Variants in PCID2 observed in about 807,000 individuals in gnomAD.
The protein encoded by PCID2 is PCI domain containing 2.
Under a neutral mutation model 61.3 loss-of-function variants are expected in PCID2, and 41 were observed. That is an observed-to-expected ratio of 0.67 (90% CI 0.52 to 0.87). The LOEUF is 0.87. Among genes scored for constraint, PCID2 ranks in the 40% least tolerant of loss-of-function variants. The pLI, the probability that PCID2 is intolerant of heterozygous loss-of-function variation, is 0.00. For missense variants in PCID2, 392 were observed against 493.4 expected, an observed-to-expected ratio of 0.79 and a Z score of 1.95; for synonymous variants, 187 against 177.8, an observed-to-expected ratio of 1.05 and a Z score of -0.41.
chr13:113,180,346 A>C (rs2037521440), intron 10 of PCID2, 115 bp from the exon 11 acceptor site: 1 of 756,084 alleles, frequency 1.3e-6, no homozygotes, highest in East Asian at 2.6e-5. Flanking sequence ...GTTTCTTAGA[A>C]TGTCCATGGA....
intron 9 of PCID2, among the ~76,000 whole-genome samples, chr13:113,182,889 C>A (rs1271474644): frequency 1.3e-5 from 2 of 151,998 alleles, no homozygotes; most frequent in East Asian, 1.9e-4. Context: ...CGGTTGGAGT[C>A]AAAAATATGT....
In PCID2 at chr13:113,195,088, GA is replaced by G; in HGVS notation, c.345del (p.Arg116GlufsTer12). 6.2e-7 allele frequency: 1 copy of G among 1,609,904 alleles called. No homozygotes were observed. The highest frequency in any genetic ancestry group is 8.5e-7 in the Non-Finnish European group (1 of 1,176,132). ...LPVMYAVALD[L>X]RVFANNADQQ... Reference sequence around the variant, plus strand: ...AAACTTACATTATTGGCAAACACTCGAAGGTCAAGCGCTACTGCATACATGA... The same window carrying G: ...AAACTTACATTATTGGCAAACACTCGAGGTCAAGCGCTACTGCATACATGA... On this transcript the variant is annotated frameshift_variant, in exon 6 of 14. Coordinates refer to ENST00000337344, the MANE Select transcript of PCID2 (RefSeq NM_001127202.4). LOFTEE classifies it high-confidence loss of function.
At chr13:113,208,401 C>G in intron 1 of PCID2, 198 bp downstream of exon 1, 2 of 1,472,242 alleles carry the variant, frequency 1.4e-6, no homozygotes, top group Non-Finnish European at 1.8e-6. Context: ...CACGGCGGCC[C>G]TGCAGGGGAG....
intron 1 of PCID2, 188 bp downstream of exon 1, chr13:113,208,410 AG>A: frequency 6.8e-7 from 1 of 1,480,376 alleles, no homozygotes; most frequent in Admixed American, 2.2e-5. Flanking sequence ...CCTGCAGGGG[AG>A]AACTCGGGCC....
At position 113,177,596 on chromosome 13, in the gene PCID2, T is replaced by C. The variant is rs938938800; in HGVS notation, c.*602A>G. ...AAGATGGTTTTTTAAAAGAAATTTTTTTTTAACCAACAAAGCAAAGGCAAA... is the reference window on the plus strand; with the variant it reads ...AAGATGGTTTTTTAAAAGAAATTTTCTTTTAACCAACAAAGCAAAGGCAAA... On this transcript the variant is annotated 3_prime_UTR_variant, in exon 14 of 14. Coordinates refer to ENST00000337344, the MANE Select transcript of PCID2 (RefSeq NM_001127202.4). 1.3e-5 allele frequency: 2 copies of C among 152,234 alleles called. No homozygotes were observed. Among genetic ancestry groups the C allele is most frequent in the Non-Finnish European group, 2.9e-5 (2 of 68,042 alleles). The allele number at this position is 152,234 out of a possible 1,614,324, so 9.4% of individuals were successfully genotyped here.
intron 1 of PCID2, among the ~76,000 whole-genome samples, chr13:113,206,051 T>C (rs149390477): frequency 4.3e-4 from 66 of 152,370 alleles, no homozygotes; most frequent in African/African-American, 1.5e-3. Context: ...GACCAGATGA[T>C]GTGCTAAAGC....
Position 113,184,407 on chromosome 13 carries a change from CTG to C in PCID2, c.622_623del (p.Gln208GlufsTer15). On this transcript the variant is annotated frameshift_variant, in exon 9 of 14. Transcript: ENST00000337344. LOFTEE classifies it high-confidence loss of function. ...SNLKDDYSTA[Q>X]RVTYKYYVGR... ...CAACGTAGTATTTGTATGTTACTCTCTGTGCAGTGCTGTAATCGTCTTTCAGG... is the reference window on the plus strand; with the variant it reads ...CAACGTAGTATTTGTATGTTACTCTCTGCAGTGCTGTAATCGTCTTTCAGG... The C allele has an allele frequency of 6.2e-7, 1 of 1,609,092 alleles. No homozygotes were observed.
At chr13:113,165,068 G>A in the PCID2 span, 3 of 1,613,382 alleles carry the variant, frequency 1.9e-6, no homozygotes, top group Non-Finnish European at 2.5e-6. Context: ...TGTGCCTGCG[G>A]GGTGCTGACC....
chr13:113,166,361 T>A, the PCID2 span: 1 of 152,236 alleles, frequency 6.6e-6, no homozygotes, highest in Non-Finnish European at 1.5e-5. Flanking sequence ...GCAGCCCTCG[T>A]GTCCACAATG....
chr13:113,178,981 A>G lies in PCID2; in HGVS notation c.1095T>C (p.Ala365=), dbSNP rs1272664318. ...ACTCACACACCATGTATATCAAGTTAGCCAGAATACACTGAACTTCGTCAA... is the reference window on the plus strand; with the variant it reads ...ACTCACACACCATGTATATCAAGTTGGCCAGAATACACTGAACTTCGTCAA... ...VDIDEVQCIL[A]NLIYMGHVKG... Residue 365 remains alanine (A), a synonymous_variant, in exon 13 of 14, where the codon GCT becomes GCC. Coordinates refer to ENST00000337344, the MANE Select transcript of PCID2 (RefSeq NM_001127202.4). The G allele has an allele frequency of 6.2e-7, 1 of 1,613,686 alleles. No individual in the cohort carries two copies.
the PCID2 span, among the ~76,000 whole-genome samples, chr13:113,165,817 C>T: frequency 6.6e-6 from 1 of 152,234 alleles, no homozygotes; most frequent in African/African-American, 2.4e-5. Context: ...AGGCGTGAGC[C>T]ACCACGCCTG....
chr13:113,172,270 GT>G, the PCID2 span: 1 of 914,708 alleles, frequency 1.1e-6, no homozygotes, highest in Non-Finnish European at 1.7e-6. Context: ...TTGCTGGGTT[GT>G]TTACCGAGCA....
chr13:113,177,912 C>A lies in PCID2; in HGVS notation c.*286G>T. On this transcript the variant is annotated 3_prime_UTR_variant, in exon 14 of 14. Transcript: ENST00000337344. The stretch of plus-strand genomic sequence containing the variant: ...AGGAACCACACTTAGGAAAAGTGAG[C>A]CGAGCAGCCTTCACGCAAAGCCTCC... 1 of 240,354 alleles carries A rather than the reference C, an allele frequency of 4.2e-6. No individual in the cohort carries two copies. The highest frequency in any genetic ancestry group is 8.2e-6 in the Non-Finnish European group (1 of 121,340). The allele number at this position is 240,354 out of a possible 1,614,324, so 14.9% of individuals were successfully genotyped here.
chr13:113,184,701 G>A (rs768767014), intron 8 of PCID2, among the ~76,000 whole-genome samples: 4 of 152,282 alleles, frequency 2.6e-5, no homozygotes, highest in Admixed American at 6.5e-5. Flanking sequence ...CAGCCCTGCA[G>A]GAGCCCATGC....
chr13:113,196,509 T>A (rs2039028660), intron 4 of PCID2, among the ~76,000 whole-genome samples: 1 of 152,222 alleles, frequency 6.6e-6, no homozygotes, highest in Admixed American at 6.5e-5. Context: ...TTTTATTTGG[T>A]TTCTCTGAGC....
the PCID2 span, chr13:113,165,270 TCCAA>T: frequency 1.3e-6 from 1 of 758,316 alleles, no homozygotes; most frequent in South Asian, 1.5e-5. Context: ...TATTCACACT[TCCAA>T]CCATGTTCTA....
At chr13:113,206,821 C>T (rs1172030086) in intron 1 of PCID2, among the ~76,000 whole-genome samples, 1 of 152,218 alleles carries the variant, frequency 6.6e-6, no homozygotes, top group South Asian at 2.1e-4. Flanking sequence ...TGTAGGCATG[C>T]ACATCTCCAT....
At chr13:113,182,563 G>A (rs533483822) in intron 9 of PCID2, among the ~76,000 whole-genome samples, 3 of 152,258 alleles carry the variant, frequency 2.0e-5, no homozygotes, top group Admixed American at 1.3e-4. Flanking sequence ...GCAGTGGCGC[G>A]ATCTCAGCTC....
At position 113,179,925 on chromosome 13, in the gene PCID2, A is replaced by T. The variant is rs371375034; in HGVS notation, c.978T>A (p.Phe326Leu). The T allele has an allele frequency of 6.2e-7, 1 of 1,612,932 alleles. No homozygotes were observed. Among genetic ancestry groups the T allele is most frequent in the Non-Finnish European group, 8.5e-7 (1 of 1,179,528 alleles). ...KLKIITYRNL[F>L]KKVYLLLKTH... The stretch of plus-strand genomic sequence containing the variant: ...GCCGGGGAAATGCTTACACTTTCTT[A>T]AAGAGGTTCCTGTAGGTGATGATCT... The change falls in exon 12 of 14, where the codon TTT becomes TTA. Residue 326 changes from phenylalanine (F) to leucine (L), a missense_variant. Physicochemically the swap from Phe to Leu is conservative, Grantham distance 22. This residue lies in a region of PCID2 where 226 missense variants were observed against 296.5 expected (regional missense o/e 0.76). Coordinates refer to ENST00000337344, the MANE Select transcript of PCID2 (RefSeq NM_001127202.4). This position sits in a 1 kb window ranked among gnomAD's most constrained non-coding sequence, Gnocchi z 4.3.
Sources: allele counts gnomAD v4.1 joint callset (sites outside exome capture counted in the v4.1 genomes callset), GRCh38; gene constraint gnomAD v4.1.1; regional missense constraint gnomAD v4.1.1; non-coding constraint Gnocchi (gnomAD v3.1); transcripts MANE v1.5; gene names NCBI Gene and HGNC (gene_info 2026-07-23, HGNC 2026-07-21).